LARGE1: variants seen among roughly 807,000 people sequenced by gnomAD.
LARGE1 encodes xylosyl- and glucuronyltransferase LARGE1.
LARGE1 carries 43 observed loss-of-function variants against 87.6 expected under a neutral mutation model. The ratio of observed to expected loss-of-function variants is 0.49; its 90% CI spans 0.38 to 0.63. The LOEUF (loss-of-function observed/expected upper bound fraction) is 0.63, where lower values mean the gene tolerates loss of function less well. Among genes scored for constraint, LARGE1 ranks in the 30% least tolerant of loss-of-function variants. The probability of loss-of-function intolerance (pLI) is 0.00; values close to 1 mark genes in which losing one functional copy is unlikely to be tolerated. For synonymous variants in LARGE1, 434 were observed against 394.6 expected, an observed-to-expected ratio of 1.10 and a Z score of -1.18; for missense variants, 802 against 1,000.2, an observed-to-expected ratio of 0.80 and a Z score of 2.67.
intron 2 of LARGE1, chr22:33,726,037 G>A (rs1456372048): frequency 1.3e-5 from 2 of 150,962 alleles, no homozygotes; most frequent in African/African-American, 2.4e-5. Flanking sequence ...CATAAGGAAG[G>A]ATTCTCCAGC....
intron 1 of LARGE1, among the ~76,000 whole-genome samples, chr22:33,767,164 T>TA (rs986191741): frequency 6.7e-6 from 1 of 149,818 alleles, no homozygotes; most frequent in African/African-American, 2.4e-5. Context: ...AAAATATAAA[T>TA]AAAAAAAATC....
At chr22:33,745,587 T>C (rs549492151) in intron 2 of LARGE1, among the ~76,000 whole-genome samples, 3 of 152,216 alleles carry the variant, frequency 2.0e-5, no homozygotes, top group Admixed American at 1.3e-4. Context: ...AAGTGCAGCA[T>C]TTTGAGAAGC....
chr22:33,376,448 C>A (rs1490000945), intron 9 of LARGE1, among the ~76,000 whole-genome samples: 1 of 152,184 alleles, frequency 6.6e-6, no homozygotes, highest in East Asian at 1.9e-4. Flanking sequence ...AAGTCTCGTG[C>A]CTGATGTCTG....
chr22:33,782,555 T>G (rs1030816851), intron 1 of LARGE1, among the ~76,000 whole-genome samples: 6 of 152,136 alleles, frequency 3.9e-5, no homozygotes, highest in Non-Finnish European at 5.9e-5. Flanking sequence ...TCACATAGAT[T>G]AGCTACTACC....
At chr22:33,875,397 C>T (rs1340361156) in intron 1 of LARGE1, among the ~76,000 whole-genome samples, 2 of 152,252 alleles carry the variant, frequency 1.3e-5, no homozygotes, top group Non-Finnish European at 2.9e-5. Context: ...TGCAGAATGA[C>T]AGCCACCACC....
intron 7 of LARGE1, among the ~76,000 whole-genome samples, chr22:33,424,538 A>T (rs2066805401): frequency 1.3e-5 from 2 of 152,192 alleles, no homozygotes; most frequent in African/African-American, 2.4e-5. Context: ...TTAAAGTCCT[A>T]AACCCGTCCA....
chr22:33,187,366 T>C (rs1220602710), intron 11 of LARGE1, among the ~76,000 whole-genome samples: 2 of 150,676 alleles, frequency 1.3e-5, no homozygotes, highest in African/African-American at 4.9e-5. Flanking sequence ...GAACATTATG[T>C]GAAGTGAAAT....
chr22:33,917,928 A>G (rs2065833870), intron 1 of LARGE1, among the ~76,000 whole-genome samples: 1 of 152,174 alleles, frequency 6.6e-6, no homozygotes, highest in South Asian at 2.1e-4. Flanking sequence ...AAACCACAGT[A>G]ACATGGGCCC....
chr22:33,442,751 T>TTC (rs912927202), intron 6 of LARGE1, among the ~76,000 whole-genome samples: 1 of 151,566 alleles, frequency 6.6e-6, no homozygotes, highest in African/African-American at 2.4e-5. Context: ...TCAGTGCTGC[T>TTC]CCCTCTAGTT....
chr22:33,479,519 C>T (rs1372049429), intron 6 of LARGE1, among the ~76,000 whole-genome samples: 1 of 152,120 alleles, frequency 6.6e-6, no homozygotes, highest in African/African-American at 2.4e-5. Context: ...TAGAACAGTG[C>T]CTGGCATATA....
chr22:33,854,214 A>G (rs897554298), intron 1 of LARGE1, among the ~76,000 whole-genome samples: 8 of 77,920 alleles, frequency 1.0e-4, no homozygotes, highest in South Asian at 3.3e-4. Flanking sequence ...CTTAAGGGGA[A>G]AAAAAAAAAA....
chr22:33,578,432 A>G (rs1168460903), intron 5 of LARGE1, among the ~76,000 whole-genome samples: 1 of 152,224 alleles, frequency 6.6e-6, no homozygotes, highest in Admixed American at 6.5e-5. Context: ...TCTGTACTAG[A>G]TACTAAGGAA....
the LARGE1 span, among the ~76,000 whole-genome samples, chr22:33,104,964 TC>T: frequency 7.2e-6 from 1 of 139,834 alleles, no homozygotes; most frequent in East Asian, 2.3e-4. Context: ...TCTCTTTCTC[TC>T]TTTCTTTCTT....
At chr22:33,902,180 A>C (rs892079143) in intron 1 of LARGE1, among the ~76,000 whole-genome samples, 5 of 152,188 alleles carry the variant, frequency 3.3e-5, no homozygotes, top group Non-Finnish European at 7.3e-5. Flanking sequence ...AAAACCCCAC[A>C]CTTGAAAACT....
intron 6 of LARGE1, among the ~76,000 whole-genome samples, chr22:33,508,599 C>T (rs757833042): frequency 6.6e-6 from 1 of 152,138 alleles, no homozygotes; most frequent in South Asian, 2.1e-4. Context: ...ATTTGTCATG[C>T]TTATAAATCA....
At chr22:33,604,607 T>C in intron 4 of LARGE1, 49 bp from the exon 5 acceptor site, 1 of 1,612,758 alleles carries the variant, frequency 6.2e-7, no homozygotes. Context: ...TACGGCTCTT[T>C]GAATTACAGC....
chr22:33,720,312 C>A (rs554294661), intron 2 of LARGE1, among the ~76,000 whole-genome samples: 1 of 152,110 alleles, frequency 6.6e-6, no homozygotes, highest in East Asian at 1.9e-4. Context: ...TGACAGGAGG[C>A]GGAGCTCACG....
At chr22:33,279,378 C>T (rs1929996370) in intron 13 of LARGE1, among the ~76,000 whole-genome samples, 1 of 152,178 alleles carries the variant, frequency 6.6e-6, no homozygotes. Flanking sequence ...GGCAGTCTCT[C>T]CAAAGCAAGG....
intron 7 of LARGE1, among the ~76,000 whole-genome samples, chr22:33,395,894 T>C (rs1489978286): frequency 1.3e-5 from 2 of 152,250 alleles, no homozygotes; most frequent in African/African-American, 4.8e-5. Flanking sequence ...GGTTTTGATA[T>C]ATCAGTGTGC....
Sources: allele counts gnomAD v4.1 joint callset (sites outside exome capture counted in the v4.1 genomes callset), GRCh38; gene constraint gnomAD v4.1.1; transcripts MANE v1.5; gene names NCBI Gene and HGNC (gene_info 2026-07-23, HGNC 2026-07-21).